Variants in DDAH1 observed in about 807,000 individuals in gnomAD.
DDAH1 encodes the protein dimethylarginine dimethylaminohydrolase 1.
In DDAH1, 19 loss-of-function variants were observed where a neutral mutation model predicts 28.8. The ratio of observed to expected loss-of-function variants is 0.66; its 90% CI spans 0.46 to 0.97. The LOEUF (loss-of-function observed/expected upper bound fraction) is 0.97. Ranked by LOEUF, DDAH1 falls within the 50% of genes least tolerant of loss-of-function variation. DDAH1 has a pLI of 0.00. For missense variants in DDAH1, 326 were observed against 375.9 expected, an observed-to-expected ratio of 0.87 and a Z score of 1.10; for synonymous variants, 153 against 154.4, an observed-to-expected ratio of 0.99 and a Z score of 0.07.
At chr1:85,351,381 C>CA in intron 3 of DDAH1, 125 bp downstream of exon 3, 1 of 759,880 alleles carries the variant, frequency 1.3e-6, no homozygotes, top group East Asian at 2.7e-5. Flanking sequence ...AATGTACAAA[C>CA]ATTACGAATT....
Position 85,464,668 on chromosome 1 carries a change from C to G in DDAH1, c.303+75G>C, listed in dbSNP as rs1570578096. 1 of 1,439,814 alleles carries G rather than the reference C, an allele frequency of 6.9e-7. No individual in the cohort carries two copies. Among genetic ancestry groups the G allele is most frequent in the African/African-American group, 1.5e-5 (1 of 68,128 alleles). The allele number at this position is 1,439,814 out of a possible 1,614,324, so 89.2% of individuals were successfully genotyped here. ...GCCCGAGGGCCAATGGCGCGACTCC[C>G]CAGGCAACACGGCGGCCGGCGGCGG... On this transcript the variant is annotated intron_variant, in intron 1 of 5. Coordinates refer to ENST00000284031, the MANE Select transcript of DDAH1 (RefSeq NM_012137.4). The surrounding 1 kb of genome is among the most constrained non-coding windows in gnomAD (Gnocchi z 4.4).
intron 4 of DDAH1, among the ~76,000 whole-genome samples, chr1:85,349,547 C>A (rs1432029690): frequency 1.3e-5 from 2 of 152,218 alleles, no homozygotes; most frequent in African/African-American, 4.8e-5. Flanking sequence ...CCTGACCCAC[C>A]ATTTATTATT....
chr1:85,575,519 G>A (rs1365299650), intron 1 of DDAH1, among the ~76,000 whole-genome samples: 1 of 152,172 alleles, frequency 6.6e-6, no homozygotes, highest in African/African-American at 2.4e-5. Context: ...GACCTTTTCT[G>A]TTAAAATACA....
At position 85,321,290 on chromosome 1, in the gene DDAH1, TG is replaced by T. The variant is rs939382749; in HGVS notation, c.*161del. The T allele has an allele frequency of 1.8e-6, 1 of 552,504 alleles. No individual in the cohort carries two copies. The highest frequency in any genetic ancestry group is 3.2e-6 in the Non-Finnish European group (1 of 313,212). 34.2% of individuals were successfully genotyped at this position (552,504 alleles called of 1,614,324 possible). A position where few individuals can be genotyped will look rare whatever the true frequency, so the allele number is the denominator to read the frequency against. ...GGTACCACCTCGAGGGGAGGGAGGG[TG>T]GGGGTGTTGAATGAAGCAATTCAAC... On this transcript the variant is annotated 3_prime_UTR_variant, in exon 6 of 6. Transcript: ENST00000284031.
intron 1 of DDAH1, among the ~76,000 whole-genome samples, chr1:85,363,707 G>A (rs1649907076): frequency 1.3e-5 from 2 of 152,130 alleles, no homozygotes; most frequent in Admixed American, 1.3e-4. Context: ...TATTGTCTGA[G>A]GTCATATTCA....
chr1:85,349,926 GTTA>G (rs1306357809), intron 4 of DDAH1, among the ~76,000 whole-genome samples: 2 of 152,164 alleles, frequency 1.3e-5, no homozygotes, highest in Non-Finnish European at 2.9e-5. Context: ...GTCTTAAAAT[GTTA>G]TTATTCCAAA....
intron 2 of DDAH1, among the ~76,000 whole-genome samples, chr1:85,475,358 A>T (rs1655760888): frequency 6.6e-6 from 1 of 152,184 alleles, no homozygotes; most frequent in South Asian, 2.1e-4. Flanking sequence ...AAAGAAGAAG[A>T]TATGCAAAGC....
chr1:85,426,720 C>A (rs1198479670), intron 1 of DDAH1, among the ~76,000 whole-genome samples: 1 of 151,834 alleles, frequency 6.6e-6, no homozygotes, highest in Non-Finnish European at 1.5e-5. Flanking sequence ...CCAGCCTGGG[C>A]AACATAGTGA....
At chr1:85,516,517 G>C (rs1165503949) in intron 1 of DDAH1, among the ~76,000 whole-genome samples, 1 of 151,692 alleles carries the variant, frequency 6.6e-6, no homozygotes, top group South Asian at 2.1e-4. Context: ...TTTGCTTTCT[G>C]CCCAGGGTGG....
At chr1:85,358,550 G>C (rs1409531881) in intron 2 of DDAH1, among the ~76,000 whole-genome samples, 198 bp downstream of exon 2, 2 of 152,208 alleles carry the variant, frequency 1.3e-5, no homozygotes, top group Non-Finnish European at 2.9e-5. Flanking sequence ...TCAGGAGGCT[G>C]AGGCAGGAGA....
intron 1 of DDAH1, among the ~76,000 whole-genome samples, chr1:85,551,850 C>G (rs774481810): frequency 1.3e-5 from 2 of 152,120 alleles, no homozygotes; most frequent in African/African-American, 4.8e-5. Context: ...TGAGATAGAG[C>G]ATGGCATGCT....
intron 1 of DDAH1, among the ~76,000 whole-genome samples, chr1:85,396,566 A>C (rs1048131682): frequency 1.3e-5 from 2 of 152,188 alleles, no homozygotes; most frequent in African/African-American, 4.8e-5. Context: ...TTGGGGATCA[A>C]ATTTCAACAT....
intron 2 of DDAH1, among the ~76,000 whole-genome samples, chr1:85,483,115 T>G (rs1180740371): frequency 1.5e-5 from 2 of 133,766 alleles, no homozygotes; most frequent in African/African-American, 5.0e-5. Flanking sequence ...TCGGAAGGCT[T>G]AGGCAGGAAA....
intron 1 of DDAH1, among the ~76,000 whole-genome samples, chr1:85,408,369 C>T (rs1314968949): frequency 6.6e-6 from 1 of 151,788 alleles, no homozygotes; most frequent in African/African-American, 2.4e-5. Context: ...CCAGAGGTAA[C>T]CATGTTTATC....
chr1:85,537,209 G>A (rs376649831), intron 1 of DDAH1, among the ~76,000 whole-genome samples: 1 of 151,376 alleles, frequency 6.6e-6, no homozygotes, highest in Non-Finnish European at 1.5e-5. Flanking sequence ...TGACATGCAC[G>A]TGTAGTCCCA....
At chr1:85,514,755 C>G (rs1225912974) in intron 1 of DDAH1, among the ~76,000 whole-genome samples, 1 of 151,844 alleles carries the variant, frequency 6.6e-6, no homozygotes, top group Non-Finnish European at 1.5e-5. Flanking sequence ...AGTGGGAGCC[C>G]TTTCACACTA....
At chr1:85,509,387 A>G (rs1486869972) in intron 1 of DDAH1, among the ~76,000 whole-genome samples, 1 of 152,212 alleles carries the variant, frequency 6.6e-6, no homozygotes, top group Admixed American at 6.5e-5. Context: ...AAAGATGGGG[A>G]AAAACCAGAA....
chr1:85,511,539 C>CA (rs1557707835), intron 1 of DDAH1, among the ~76,000 whole-genome samples: 1 of 151,962 alleles, frequency 6.6e-6, no homozygotes, highest in South Asian at 2.1e-4. Context: ...AAAAACCCTT[C>CA]AAAAAATCAA....
At chr1:85,540,838 T>C (rs1476508695) in intron 1 of DDAH1, among the ~76,000 whole-genome samples, 1 of 151,854 alleles carries the variant, frequency 6.6e-6, no homozygotes, top group African/African-American at 2.4e-5. Context: ...TGCATGCCTG[T>C]AATCCCAGCT....
Sources: gnomAD v4.1 joint callset for allele counts (sites outside exome capture counted in the v4.1 genomes callset) on GRCh38, gnomAD v4.1.1 for gene constraint, Gnocchi (gnomAD v3.1) non-coding constraint, MANE v1.5 for transcripts, NCBI Gene and HGNC (gene_info 2026-07-23, HGNC 2026-07-21) for gene names.